ZDHHC21: variants seen among roughly 807,000 people sequenced by gnomAD.
ZDHHC21 encodes palmitoyltransferase ZDHHC21.
Under a neutral mutation model 34.6 loss-of-function variants are expected in ZDHHC21, and 15 were observed. That is an observed-to-expected ratio of 0.43 (90% CI 0.29 to 0.67). The LOEUF (loss-of-function observed/expected upper bound fraction) is 0.67. ZDHHC21 is among the 30% of genes least tolerant of loss of function. The probability of loss-of-function intolerance (pLI) is 0.14; values close to 1 mark genes in which losing one functional copy is unlikely to be tolerated. For missense variants in ZDHHC21, 344 were observed against 327.7 expected (o/e 1.05, Z -0.38); for synonymous variants, 142 against 101.8 (o/e 1.40, Z -2.38).
chr9:14,622,133 C>T (rs908280243), intron 8 of ZDHHC21, among the ~76,000 whole-genome samples: 3 of 152,026 alleles, frequency 2.0e-5, no homozygotes, highest in East Asian at 1.9e-4. Flanking sequence ...ATTTACACCT[C>T]GATTACAGTC....
chr9:14,630,414 C>A (rs1311871078), intron 8 of ZDHHC21, among the ~76,000 whole-genome samples: 1 of 152,164 alleles, frequency 6.6e-6, no homozygotes, highest in Non-Finnish European at 1.5e-5. Context: ...CTTGTTATTT[C>A]TAGCACATCT....
At chr9:14,607,184 C>T (rs1328813413), downstream of ZDHHC21, among the ~76,000 whole-genome samples, 3 of 150,186 alleles carry the variant, frequency 2.0e-5, no homozygotes, top group Non-Finnish European at 4.4e-5. Flanking sequence ...CATGGTGGCT[C>T]ATGCCTATCA....
intron 7 of ZDHHC21, among the ~76,000 whole-genome samples, chr9:14,644,508 T>C (rs72704935): frequency 6.6e-6 from 1 of 150,486 alleles, no homozygotes; most frequent in African/African-American, 2.4e-5. Flanking sequence ...TTTTGTGTGT[T>C]TTTTTTTTAA....
chr9:14,603,567 T>A, the ZDHHC21 span, among the ~76,000 whole-genome samples: 1 of 152,204 alleles, frequency 6.6e-6, no homozygotes, highest in Non-Finnish European at 1.5e-5. Context: ...ATGAAAGATT[T>A]GGATTCAACC....
intron 7 of ZDHHC21, among the ~76,000 whole-genome samples, chr9:14,656,303 T>C (rs1325590844): frequency 6.6e-6 from 1 of 151,922 alleles, no homozygotes; most frequent in Non-Finnish European, 1.5e-5. Context: ...CTATTAAACT[T>C]AAGTAGGTTA....
At chr9:14,591,275 C>T in the ZDHHC21 span, among the ~76,000 whole-genome samples, 4 of 152,154 alleles carry the variant, frequency 2.6e-5, no homozygotes, top group South Asian at 2.1e-4. Context: ...TATTAAGAGG[C>T]GTGACCTTTA....
intron 2 of ZDHHC21, among the ~76,000 whole-genome samples, chr9:14,688,722 C>A (rs1264101054): frequency 1.3e-5 from 2 of 152,108 alleles, no homozygotes; most frequent in African/African-American, 4.8e-5. Flanking sequence ...ATTAGCCAGG[C>A]ATGATGGTGG....
At position 14,625,981 on chromosome 9, in the gene ZDHHC21, T is replaced by A. The variant is rs7873022; in HGVS notation, c.622-6299A>T. ...TACAGGAAATAATTATATAGTAACA[T>A]AGAGAGGAAGCCAGCAAGGATGATT... On this transcript the variant is annotated intron_variant, in intron 8 of 9. Coordinates refer to ENST00000380916, the MANE Select transcript of ZDHHC21 (RefSeq NM_178566.6). Among the ~76,000 whole-genome samples the A allele has an allele frequency of 1.1e-3, 173 of 151,676 alleles. 1 individual carries two copies. Among genetic ancestry groups the A allele is most frequent in the African/African-American group, 4.0e-3 (166 of 41,446 alleles).
Position 14,672,815 on chromosome 9 carries a change from T to G in ZDHHC21, c.253+15A>C. Reference sequence around the variant, plus strand: ...TTCTGGCATCAGCAAAACTGATAAATCCAGAGTACCATACCTCCATGTGGG... The same window carrying G: ...TTCTGGCATCAGCAAAACTGATAAAGCCAGAGTACCATACCTCCATGTGGG... On this transcript the variant is annotated intron_variant, in intron 5 of 9. Transcript: ENST00000380916. 1 of 1,570,832 alleles carries G rather than the reference T, an allele frequency of 6.4e-7. No individual in the cohort carries two copies. Among genetic ancestry groups the G allele is most frequent in the Non-Finnish European group, 8.7e-7 (1 of 1,149,392 alleles).
chr9:14,668,585 G>T (rs182393182), intron 5 of ZDHHC21, among the ~76,000 whole-genome samples: 2 of 151,202 alleles, frequency 1.3e-5, no homozygotes, highest in Admixed American at 6.6e-5. Flanking sequence ...GGAATCACAC[G>T]ACCTGACTTC....
At chr9:14,600,532 G>A in the ZDHHC21 span, among the ~76,000 whole-genome samples, 1 of 152,212 alleles carries the variant, frequency 6.6e-6, no homozygotes, top group Non-Finnish European at 1.5e-5. Context: ...AACATTCCAT[G>A]CTGATGGATA....
intron 7 of ZDHHC21, among the ~76,000 whole-genome samples, chr9:14,654,566 CAAAGTT>C (rs1279195799): frequency 6.6e-6 from 1 of 151,694 alleles, no homozygotes; most frequent in Admixed American, 6.6e-5. Context: ...AAGGGGATCT[CAAAGTT>C]AAAGTTATCA....
At chr9:14,681,327 C>T (rs535050217) in intron 2 of ZDHHC21, among the ~76,000 whole-genome samples, 5 of 152,256 alleles carry the variant, frequency 3.3e-5, no homozygotes, top group Non-Finnish European at 5.9e-5. Flanking sequence ...TCAAGCAATC[C>T]TCCTGCCTCA....
At chr9:14,676,879 A>T (rs1341980866) in intron 3 of ZDHHC21, among the ~76,000 whole-genome samples, 1 of 152,024 alleles carries the variant, frequency 6.6e-6, no homozygotes, top group Non-Finnish European at 1.5e-5. Flanking sequence ...AACGTGTTCA[A>T]TATTATTAAT....
the ZDHHC21 span, among the ~76,000 whole-genome samples, chr9:14,595,361 CATAG>C: frequency 5.9e-5 from 9 of 152,236 alleles, no homozygotes; most frequent in African/African-American, 2.2e-4. Context: ...CATGGTACAA[CATAG>C]ATAAACCTCA....
intron 8 of ZDHHC21, among the ~76,000 whole-genome samples, chr9:14,636,419 T>C (rs977365420): frequency 1.4e-4 from 22 of 152,078 alleles, no homozygotes; most frequent in Admixed American, 1.0e-3. Flanking sequence ...AAACCAAGTA[T>C]TAGATTTAAA....
intron 2 of ZDHHC21, among the ~76,000 whole-genome samples, chr9:14,683,187 A>G (rs1201783679): frequency 2.0e-5 from 3 of 152,092 alleles, no homozygotes; most frequent in African/African-American, 4.8e-5. Context: ...ACTAAGATCA[A>G]AGCAGAACTG....
intron 8 of ZDHHC21, among the ~76,000 whole-genome samples, chr9:14,629,156 G>T (rs987007761): frequency 6.6e-6 from 1 of 152,112 alleles, no homozygotes; most frequent in Admixed American, 6.5e-5. Context: ...TTTTACAGAG[G>T]TGTAATTGCT....
intron 2 of ZDHHC21, among the ~76,000 whole-genome samples, chr9:14,681,556 T>A (rs1231081782): frequency 3.3e-5 from 5 of 152,148 alleles, no homozygotes; most frequent in Non-Finnish European, 5.9e-5. Context: ...TAAAATGCCA[T>A]GATCAAATTT....
Sources: allele counts gnomAD v4.1 joint callset (sites outside exome capture counted in the v4.1 genomes callset), GRCh38; gene constraint gnomAD v4.1.1; transcripts MANE v1.5; gene names NCBI Gene and HGNC (gene_info 2026-07-23, HGNC 2026-07-21).